The following INPP4B variants were observed in gnomAD, a reference collection of about 807,000 sequenced individuals.
INPP4B encodes inositol polyphosphate 4-phosphatase type II.
A neutral mutation model predicts 122.5 loss-of-function variants in INPP4B; 55 were observed. That is an observed-to-expected ratio of 0.45 (90% CI 0.36 to 0.56). The LOEUF (loss-of-function observed/expected upper bound fraction) is 0.56, where lower values mean the gene tolerates loss of function less well. Among genes scored for constraint, INPP4B ranks in the 20% least tolerant of loss-of-function variants. The pLI, the probability that INPP4B is intolerant of heterozygous loss-of-function variation, is 0.00. For missense variants in INPP4B, 1,000 were observed against 1,097.7 expected (o/e 0.91, Z 1.26); for synonymous variants, 403 against 388.7 (o/e 1.04, Z -0.43).
At chr4:142,515,311 A>G (rs553039636) in intron 2 of INPP4B, among the ~76,000 whole-genome samples, 1 of 152,020 alleles carries the variant, frequency 6.6e-6, no homozygotes, top group Non-Finnish European at 1.5e-5. Flanking sequence ...AAACCCACTA[A>G]CTCTTGGTCA....
At chr4:142,384,517 A>G (rs189006654) in intron 7 of INPP4B, among the ~76,000 whole-genome samples, 4 of 152,068 alleles carry the variant, frequency 2.6e-5, no homozygotes, top group Non-Finnish European at 4.4e-5. Flanking sequence ...GTATATCTAA[A>G]CATATCTAAA....
chr4:142,679,607 G>T (rs1384946944), intron 2 of INPP4B, among the ~76,000 whole-genome samples: 1 of 151,706 alleles, frequency 6.6e-6, no homozygotes, highest in South Asian at 2.1e-4. Context: ...CATTACAGGG[G>T]TCACATGTGG....
chr4:142,651,474 C>G (rs1265781041), intron 2 of INPP4B, among the ~76,000 whole-genome samples: 1 of 151,800 alleles, frequency 6.6e-6, no homozygotes, highest in African/African-American at 2.4e-5. Flanking sequence ...AGACCACTAG[C>G]AAGAATAATA....
chr4:142,756,727 T>G, intron 1 of INPP4B, among the ~76,000 whole-genome samples: 1 of 152,116 alleles, frequency 6.6e-6, no homozygotes, highest in East Asian at 1.9e-4. Context: ...ATTAATAGCT[T>G]TTGTAAAATT....
At chr4:142,282,950 C>T (rs1030897627) in intron 9 of INPP4B, among the ~76,000 whole-genome samples, 3 of 151,968 alleles carry the variant, frequency 2.0e-5, no homozygotes, top group Admixed American at 2.0e-4. Context: ...CACTGTAAGA[C>T]CTTTGCCTTT....
At chr4:142,346,477 T>C (rs562313524) in intron 7 of INPP4B, among the ~76,000 whole-genome samples, 5 of 152,062 alleles carry the variant, frequency 3.3e-5, no homozygotes, top group South Asian at 2.1e-4. Flanking sequence ...ATATTGATAA[T>C]GTGGAAAAAG....
chr4:142,216,880 T>C (rs1847506439), intron 12 of INPP4B, among the ~76,000 whole-genome samples: 1 of 152,192 alleles, frequency 6.6e-6, no homozygotes, highest in Non-Finnish European at 1.5e-5. Flanking sequence ...AGTAACCAAA[T>C]GTGCTTTAAT....
At chr4:142,378,761 T>C (rs1469616590) in intron 7 of INPP4B, among the ~76,000 whole-genome samples, 1 of 152,192 alleles carries the variant, frequency 6.6e-6, no homozygotes, top group Non-Finnish European at 1.5e-5. Context: ...ATTTTGTGAA[T>C]ATCACTCAAT....
chr4:142,510,427 A>G (rs1189350742), intron 2 of INPP4B, among the ~76,000 whole-genome samples: 1 of 152,224 alleles, frequency 6.6e-6, no homozygotes, highest in Non-Finnish European at 1.5e-5. Flanking sequence ...TTATTATAGC[A>G]ATAATAAAGA....
intron 10 of INPP4B, among the ~76,000 whole-genome samples, chr4:142,268,911 A>G (rs970870416): frequency 6.6e-6 from 1 of 152,138 alleles, no homozygotes; most frequent in Non-Finnish European, 1.5e-5. Flanking sequence ...AGCTGCAATG[A>G]TAGAAGCCCA....
chr4:142,122,019 AC>A (rs1796751661), intron 21 of INPP4B, 108 bp downstream of exon 21: 1 of 718,858 alleles, frequency 1.4e-6, no homozygotes, highest in Non-Finnish European at 2.4e-6. Context: ...AAGAAAAAAA[AC>A]AAAAGAAATA....
At chr4:142,625,565 A>T (rs1427816650) in intron 2 of INPP4B, among the ~76,000 whole-genome samples, 1 of 152,110 alleles carries the variant, frequency 6.6e-6, no homozygotes, top group African/African-American at 2.4e-5. Flanking sequence ...GCCCAAGGTA[A>T]TTTATAGATT....
At chr4:142,178,144 T>G (rs2152966494) in intron 15 of INPP4B, among the ~76,000 whole-genome samples, 1 of 152,306 alleles carries the variant, frequency 6.6e-6, no homozygotes, top group East Asian at 1.9e-4. Context: ...CCCAGCTCCT[T>G]TGCACTCTTC....
chr4:142,744,379 A>G (rs535328156), intron 1 of INPP4B, among the ~76,000 whole-genome samples: 8 of 152,082 alleles, frequency 5.3e-5, no homozygotes, highest in African/African-American at 1.4e-4. Flanking sequence ...AATATAAAGT[A>G]TTTAAAGAAT....
chr4:142,759,855 T>G (rs1309601427), intron 1 of INPP4B, among the ~76,000 whole-genome samples: 1 of 119,262 alleles, frequency 8.4e-6, no homozygotes, highest in African/African-American at 3.4e-5. Flanking sequence ...AAAAAAAAAT[T>G]TAATTGCCCT....
chr4:142,074,022 C>G (rs968332202), intron 25 of INPP4B, among the ~76,000 whole-genome samples: 11 of 152,022 alleles, frequency 7.2e-5, no homozygotes, highest in Admixed American at 3.9e-4. Context: ...AGCTTCACAT[C>G]ATGTCACAGG....
At chr4:142,669,666 G>A (rs1756696165) in intron 2 of INPP4B, among the ~76,000 whole-genome samples, 1 of 152,146 alleles carries the variant, frequency 6.6e-6, no homozygotes, top group African/African-American at 2.4e-5. Context: ...ACTCAAAGTG[G>A]ATTAATGACT....
chr4:142,376,961 C>A (rs572790988), intron 7 of INPP4B, among the ~76,000 whole-genome samples: 1 of 151,938 alleles, frequency 6.6e-6, no homozygotes, highest in East Asian at 1.9e-4. Flanking sequence ...TGTCACAAAT[C>A]GAGTTAACAC....
chr4:142,452,744 T>C (rs1225963178), intron 3 of INPP4B, among the ~76,000 whole-genome samples: 8 of 152,206 alleles, frequency 5.3e-5, no homozygotes, highest in Admixed American at 3.9e-4. Flanking sequence ...ATCTAAAGGA[T>C]AGAAACTTTC....
Sources: gnomAD v4.1 joint callset for allele counts (sites outside exome capture counted in the v4.1 genomes callset) on GRCh38, gnomAD v4.1.1 for gene constraint, MANE v1.5 for transcripts, NCBI Gene and HGNC (gene_info 2026-07-23, HGNC 2026-07-21) for gene names.